Variants in GREB1L observed in about 807,000 individuals in gnomAD.
GREB1L encodes the protein GREB1 like retinoic acid receptor coactivator, also known as GREB1-like protein.
Under a neutral mutation model 200.8 loss-of-function variants are expected in GREB1L, and 17 were observed. That is an observed-to-expected ratio of 0.08 (90% CI 0.06 to 0.13). The LOEUF is 0.13. Among genes scored for constraint, GREB1L ranks in the 10% least tolerant of loss-of-function variants. The pLI is 1.00. For missense variants in GREB1L, 1,657 were observed against 2,367.7 expected, an observed-to-expected ratio of 0.70 and a Z score of 6.23; for synonymous variants, 789 against 893.0, an observed-to-expected ratio of 0.88 and a Z score of 2.08.
intron 1 of GREB1L, among the ~76,000 whole-genome samples, chr18:21,292,869 G>C (rs2038472620): frequency 6.6e-6 from 1 of 152,212 alleles, no homozygotes; most frequent in African/African-American, 2.4e-5. Flanking sequence ...TTGTAGTTAG[G>C]TTTTTTAACT....
chr18:21,369,763 A>G (rs1235534312), intron 2 of GREB1L, among the ~76,000 whole-genome samples: 3 of 152,080 alleles, frequency 2.0e-5, no homozygotes, highest in Non-Finnish European at 4.4e-5. Flanking sequence ...CCTGGCCAAC[A>G]TGGTGAAACC....
chr18:21,505,320 C>G (rs1236431664), intron 23 of GREB1L, 92 bp from the exon 24 acceptor site: 2 of 1,198,490 alleles, frequency 1.7e-6, no homozygotes, highest in African/African-American at 1.5e-5. Context: ...GTCCACCCAT[C>G]TGGGCTCTAC....
intron 1 of GREB1L, among the ~76,000 whole-genome samples, chr18:21,281,989 G>T (rs952638283): frequency 2.0e-5 from 3 of 152,008 alleles, no homozygotes; most frequent in African/African-American, 7.3e-5. Flanking sequence ...AATTTATTGT[G>T]TGGCTAGGCA....
intron 7 of GREB1L, among the ~76,000 whole-genome samples, chr18:21,433,216 T>C (rs908141066): frequency 1.3e-5 from 2 of 152,244 alleles, no homozygotes; most frequent in Non-Finnish European, 2.9e-5. Flanking sequence ...AGCTTATTCA[T>C]AGGCATTTTA....
intron 1 of GREB1L, among the ~76,000 whole-genome samples, chr18:21,347,280 A>G (rs959345147): frequency 2.7e-5 from 4 of 149,734 alleles, no homozygotes; most frequent in Non-Finnish European, 5.9e-5. Context: ...CTCCGTCTCA[A>G]AAAAAAAAAA....
intron 1 of GREB1L, among the ~76,000 whole-genome samples, chr18:21,289,353 C>A (rs188804141): frequency 6.6e-6 from 1 of 151,868 alleles, no homozygotes; most frequent in African/African-American, 2.4e-5. Context: ...AGTTTGAGAC[C>A]AGCCTGGGCA....
At chr18:21,379,320 C>T (rs1272644855) in intron 2 of GREB1L, among the ~76,000 whole-genome samples, 4 of 152,214 alleles carry the variant, frequency 2.6e-5, no homozygotes, top group African/African-American at 9.6e-5. Context: ...GATTCTCCTG[C>T]CTCAGCCTCC....
chr18:21,342,241 A>C (rs763054093), intron 1 of GREB1L, among the ~76,000 whole-genome samples: 87 of 152,162 alleles, frequency 5.7e-4, no homozygotes, highest in Non-Finnish European at 9.4e-4. Context: ...ACAGACCTTT[A>C]AAATGTTAAG....
intron 1 of GREB1L, among the ~76,000 whole-genome samples, chr18:21,310,881 C>A (rs545024017): frequency 6.6e-6 from 1 of 152,276 alleles, no homozygotes; most frequent in Admixed American, 6.5e-5. Flanking sequence ...TTTCTTCCTG[C>A]ACCTCAAGTG....
chr18:21,256,904 C>G (rs1413410482), intron 1 of GREB1L, among the ~76,000 whole-genome samples: 1 of 148,904 alleles, frequency 6.7e-6, no homozygotes, highest in Non-Finnish European at 1.5e-5. Flanking sequence ...ACTCAAGAGG[C>G]TGAGGCAGGA....
At chr18:21,445,593 G>A (rs1473567457) in intron 11 of GREB1L, among the ~76,000 whole-genome samples, 1 of 152,180 alleles carries the variant, frequency 6.6e-6, no homozygotes, top group African/African-American at 2.4e-5. Flanking sequence ...AGTGTTAGGA[G>A]ATAATAAAAA....
At chr18:21,273,051 A>G (rs978649207) in intron 1 of GREB1L, among the ~76,000 whole-genome samples, 2 of 152,136 alleles carry the variant, frequency 1.3e-5, no homozygotes, top group Non-Finnish European at 2.9e-5. Flanking sequence ...ACATGGCGAA[A>G]CCCCATCTTT....
At chr18:21,514,127 G>C (rs2037334909) in intron 28 of GREB1L, 141 bp downstream of exon 28, 4 of 720,628 alleles carry the variant, frequency 5.6e-6, no homozygotes, top group South Asian at 4.2e-5. Context: ...ACCCTCACTA[G>C]AACATTTTGT....
intron 7 of GREB1L, among the ~76,000 whole-genome samples, chr18:21,433,452 T>C (rs2033310189): frequency 6.6e-6 from 1 of 152,210 alleles, no homozygotes; most frequent in Non-Finnish European, 1.5e-5. Context: ...TGAAACATAA[T>C]GACAGATCTG....
At chr18:21,384,171 T>G in intron 3 of GREB1L, 35 bp from the exon 4 acceptor site, 1 of 1,356,056 alleles carries the variant, frequency 7.4e-7, no homozygotes, top group Non-Finnish European at 1.0e-6. Context: ...AAGCATCTTT[T>G]TATTAAATCT....
intron 1 of GREB1L, among the ~76,000 whole-genome samples, chr18:21,277,347 C>G (rs1960839993): frequency 6.6e-6 from 1 of 152,118 alleles, no homozygotes; most frequent in African/African-American, 2.4e-5. Flanking sequence ...CTAGGGGTAC[C>G]CTTTTCATCC....
At chr18:21,268,534 CACA>C (rs2038015023) in intron 1 of GREB1L, among the ~76,000 whole-genome samples, 1 of 86,956 alleles carries the variant, frequency 1.2e-5, no homozygotes, top group South Asian at 3.8e-4. Context: ...CACACACACA[CACA>C]CACACACACA....
chr18:21,446,919 A>G (rs2145358546), intron 11 of GREB1L, among the ~76,000 whole-genome samples: 1 of 152,348 alleles, frequency 6.6e-6, no homozygotes, highest in Admixed American at 6.5e-5. Flanking sequence ...GAAGTAGATA[A>G]TGAAATCAGC....
chr18:21,510,407 C>T (rs892678215), intron 27 of GREB1L, among the ~76,000 whole-genome samples: 1 of 152,154 alleles, frequency 6.6e-6, no homozygotes, highest in Non-Finnish European at 1.5e-5. Flanking sequence ...TCTACTTTCT[C>T]TAAGTGCCTC....
Sources: gnomAD v4.1 joint callset for allele counts (sites outside exome capture counted in the v4.1 genomes callset) on GRCh38, gnomAD v4.1.1 for gene constraint, MANE v1.5 for transcripts, NCBI Gene and HGNC (gene_info 2026-07-23, HGNC 2026-07-21) for gene names.